KIAA1549L: variants seen among roughly 807,000 people sequenced by gnomAD.
KIAA1549L encodes the protein KIAA1549 like, also known as UPF0606 protein KIAA1549L.
Under a neutral mutation model 160.7 loss-of-function variants are expected in KIAA1549L, and 88 were observed. The ratio of observed to expected loss-of-function variants is 0.55; its 90% CI spans 0.46 to 0.65. KIAA1549L has a LOEUF of 0.65. Ranked by LOEUF, KIAA1549L falls within the 30% of genes least tolerant of loss-of-function variation. The probability of loss-of-function intolerance (pLI) is 0.00; values close to 1 mark genes in which losing one functional copy is unlikely to be tolerated. For missense variants in KIAA1549L, 2,258 were observed against 2,437.5 expected, an observed-to-expected ratio of 0.93 and a Z score of 1.55; for synonymous variants, 950 against 976.7, an observed-to-expected ratio of 0.97 and a Z score of 0.51.
intron 6 of KIAA1549L, among the ~76,000 whole-genome samples, chr11:33,559,509 A>G (rs1854766390): frequency 6.6e-6 from 1 of 152,162 alleles, no homozygotes; most frequent in Admixed American, 6.5e-5. Context: ...ATCACTGGAT[A>G]CATCTCCCAG....
chr11:33,483,669 C>T (rs1852459816), intron 1 of KIAA1549L, among the ~76,000 whole-genome samples: 1 of 152,080 alleles, frequency 6.6e-6, no homozygotes. Flanking sequence ...ATAACTGAAT[C>T]ATGGGGGATG....
intron 1 of KIAA1549L, among the ~76,000 whole-genome samples, chr11:33,449,333 A>G (rs542009810): frequency 1.1e-4 from 16 of 151,476 alleles, no homozygotes; most frequent in African/African-American, 3.9e-4. Context: ...TTTAGTGTCT[A>G]TTATGGTGGA....
intron 17 of KIAA1549L, among the ~76,000 whole-genome samples, chr11:33,653,846 G>A (rs886135844): frequency 2.0e-5 from 3 of 151,140 alleles, no homozygotes; most frequent in African/African-American, 7.3e-5. Context: ...TTCTCTATTT[G>A]TGATTAATCT....
chr11:33,511,221 G>A (rs16924391), intron 1 of KIAA1549L, among the ~76,000 whole-genome samples: 6,901 of 152,202 alleles, frequency 0.045, 547 homozygotes, highest in African/African-American at 0.16. Context: ...ATTTTCTGCT[G>A]TGACTTTGGG....
intron 1 of KIAA1549L, among the ~76,000 whole-genome samples, chr11:33,536,507 A>G (rs574812795): frequency 1.3e-5 from 2 of 152,130 alleles, no homozygotes; most frequent in South Asian, 4.2e-4. Flanking sequence ...CTTCCAGGAG[A>G]GAGAGAGGGA....
intron 1 of KIAA1549L, among the ~76,000 whole-genome samples, chr11:33,432,255 G>A (rs1851264837): frequency 6.6e-6 from 1 of 152,236 alleles, no homozygotes; most frequent in Admixed American, 6.5e-5. Context: ...AGGCAGAGGA[G>A]GCGCCGAGAG....
chr11:33,516,663 C>T (rs1853350680), intron 1 of KIAA1549L, among the ~76,000 whole-genome samples: 1 of 152,160 alleles, frequency 6.6e-6, no homozygotes, highest in Non-Finnish European at 1.5e-5. Flanking sequence ...CTGCCTTTTT[C>T]TTCCTAATTA....
At chr11:33,581,297 CTT>C (rs1855634501) in intron 10 of KIAA1549L, among the ~76,000 whole-genome samples, 1 of 152,194 alleles carries the variant, frequency 6.6e-6, no homozygotes, top group African/African-American at 2.4e-5. Context: ...ACTGGAAACA[CTT>C]GAATGGATGC....
At chr11:33,665,892 G>T (rs1004234584) in intron 20 of KIAA1549L, among the ~76,000 whole-genome samples, 1 of 152,212 alleles carries the variant, frequency 6.6e-6, no homozygotes, top group African/African-American at 2.4e-5. Context: ...AGATGCTGAG[G>T]ATGCAGGCTG....
In KIAA1549L at chr11:33,543,827, A is replaced by C; in HGVS notation, c.2264A>C (p.Lys755Thr). Residue 755 changes from lysine to threonine, a missense_variant, in exon 2 of 21, where the codon AAA becomes ACA. Lys to Thr is a moderately conservative substitution (Grantham distance 78, BLOSUM62 -1). Coordinates refer to ENST00000658780, the MANE Select transcript of KIAA1549L (RefSeq NM_012194.3). ...TTAACTTCAGCTGCCGATGCCATAA[A>C]ATCTCAGGATTTCAAAGATACTGCT... ...NGLTSAADAI[K>T]SQDFKDTAGH... is the part of the protein sequence containing the mutation. The C allele has an allele frequency of 6.2e-7, 1 of 1,614,016 alleles. No homozygotes were observed. The highest frequency in any genetic ancestry group is 8.5e-7 in the Non-Finnish European group (1 of 1,179,898).
At chr11:33,558,898 A>G (rs1305337378) in intron 6 of KIAA1549L, among the ~76,000 whole-genome samples, 2 of 151,136 alleles carry the variant, frequency 1.3e-5, no homozygotes, top group Non-Finnish European at 2.9e-5. Context: ...CAGTGGTGCA[A>G]TCTCGGCTGA....
chr11:33,487,510 G>A (rs1191054790), intron 1 of KIAA1549L, among the ~76,000 whole-genome samples: 1 of 151,862 alleles, frequency 6.6e-6, no homozygotes, highest in African/African-American at 2.4e-5. Context: ...GGAGCTTTGG[G>A]GAATGAGATG....
intron 14 of KIAA1549L, among the ~76,000 whole-genome samples, chr11:33,607,279 T>G (rs1850531646): frequency 6.6e-6 from 1 of 152,138 alleles, no homozygotes; most frequent in Non-Finnish European, 1.5e-5. Context: ...AAATGACATT[T>G]ATTCCTTTGA....
At chr11:33,568,275 G>C (rs773426018) in intron 9 of KIAA1549L, 48 bp downstream of exon 9, 4 of 1,523,248 alleles carry the variant, frequency 2.6e-6, no homozygotes, top group South Asian at 1.2e-5. Flanking sequence ...TGGGGGTAGA[G>C]GGGGGGATGT....
rs1294802740 is a variant in KIAA1549L, at chr11:33,543,830, C to A, written c.2267C>A (p.Ser756Tyr). Reference sequence around the variant, plus strand: ...ACTTCAGCTGCCGATGCCATAAAATCTCAGGATTTCAAAGATACTGCTGGG... The same window carrying A: ...ACTTCAGCTGCCGATGCCATAAAATATCAGGATTTCAAAGATACTGCTGGG... ...GLTSAADAIKSQDFKDTAGHS... is the reference protein window; with the variant it reads ...GLTSAADAIKYQDFKDTAGHS... The change falls in exon 2 of 21, where the codon TCT becomes TAT. Residue 756 changes from serine (S) to tyrosine (Y), a missense_variant. Physicochemically the swap from Ser to Tyr is moderately radical, Grantham distance 144 (BLOSUM62 -2). Coordinates refer to ENST00000658780, the MANE Select transcript of KIAA1549L (RefSeq NM_012194.3). The A allele has an allele frequency of 1.9e-6, 3 of 1,614,044 alleles. No homozygotes were observed. Among genetic ancestry groups the A allele is most frequent in the South Asian group, 2.2e-5 (2 of 91,088 alleles).
chr11:33,598,913 G>A lies in KIAA1549L; in HGVS notation c.4845G>A (p.Gln1615=). ...CACCCCAGAATGTAATGGCACAGCA[G>A]AAAGTGACAAAGGAGGAGGCAAGGA... ...RRSPQNVMAQ[Q]KVTKEEARKR... The change falls in exon 13 of 21, where the codon CAG becomes CAA. Residue 1615 remains glutamine, a synonymous_variant. Transcript: ENST00000658780. 3.7e-6 allele frequency: 6 copies of A among 1,613,846 alleles called. No homozygotes were observed. Among genetic ancestry groups the A allele is most frequent in the Non-Finnish European group, 5.1e-6 (6 of 1,179,836 alleles).
At chr11:33,432,117 G>A (rs1488229023) in intron 1 of KIAA1549L, among the ~76,000 whole-genome samples, 3 of 152,202 alleles carry the variant, frequency 2.0e-5, no homozygotes, top group Non-Finnish European at 2.9e-5. Flanking sequence ...GTTCCCGCTC[G>A]CACCTCTCCC....
chr11:33,548,412 C>A (rs573933519), intron 4 of KIAA1549L, among the ~76,000 whole-genome samples: 1 of 152,234 alleles, frequency 6.6e-6, no homozygotes, highest in African/African-American at 2.4e-5. Flanking sequence ...AACACACACA[C>A]AAACAAACAA....
chr11:33,432,849 A>G (rs759570284), intron 1 of KIAA1549L, among the ~76,000 whole-genome samples: 2 of 152,240 alleles, frequency 1.3e-5, no homozygotes, highest in Non-Finnish European at 2.9e-5. Flanking sequence ...TCTCCTGTTC[A>G]GTAAATGGTG....
Sources: allele counts gnomAD v4.1 joint callset (sites outside exome capture counted in the v4.1 genomes callset), GRCh38; gene constraint gnomAD v4.1.1; transcripts MANE v1.5; gene names NCBI Gene and HGNC (gene_info 2026-07-23, HGNC 2026-07-21).